MCTP1: variants seen among roughly 807,000 people sequenced by gnomAD.
MCTP1 encodes multiple C2 and transmembrane domain-containing protein 1.
MCTP1 carries 69 observed loss-of-function variants against 120.6 expected under a neutral mutation model. The observed-to-expected ratio is 0.57, with a 90% CI of 0.47 to 0.70. The LOEUF is 0.70. Ranked by LOEUF, MCTP1 falls within the 30% of genes least tolerant of loss-of-function variation. MCTP1 has a pLI of 0.00. For missense variants in MCTP1, 1,203 were observed against 1,248.8 expected (o/e 0.96, Z 0.55); for synonymous variants, 529 against 493.1 (o/e 1.07, Z -0.96).
At chr5:94,988,807 G>T (rs1830934657) in intron 2 of MCTP1, among the ~76,000 whole-genome samples, 2 of 152,082 alleles carry the variant, frequency 1.3e-5, no homozygotes, top group African/African-American at 4.8e-5. Flanking sequence ...GGCTGGGGAG[G>T]TCTCAGATAA....
intron 1 of MCTP1, among the ~76,000 whole-genome samples, chr5:95,247,137 G>A (rs1303557688): frequency 1.3e-5 from 2 of 152,042 alleles, no homozygotes; most frequent in Non-Finnish European, 2.9e-5. Context: ...TATGTGTCCC[G>A]GAATTTATTC....
In MCTP1 at chr5:95,039,419, A is replaced by C. The variant is rs1581974739; in HGVS notation, c.721-21935T>G. ...CTCACCTGAGTGCAAGTGTGTGCGA[A>C]AAGTGTGTCATTAATTATTCATACT... On this transcript the variant is annotated intron_variant, in intron 1 of 22. Coordinates refer to ENST00000515393, the MANE Select transcript of MCTP1 (RefSeq NM_024717.7). Among the ~76,000 whole-genome samples, 9 of 152,304 alleles carry C rather than the reference A, an allele frequency of 5.9e-5. No individual in the cohort carries two copies. The East Asian group carries it at 1.7e-3, about 29-fold the overall frequency.
At position 94,751,946 on chromosome 5, in the gene MCTP1, CG is replaced by C. The variant is rs1372720145; in HGVS notation, c.2610+27163del. Among the ~76,000 whole-genome samples, 3 of 123,314 alleles carry C rather than the reference CG, an allele frequency of 2.4e-5. No homozygotes were observed. The East Asian group carries it at 7.4e-4, about 30-fold the overall frequency. The allele number at this position is 123,314 out of a possible 152,430, so 80.9% of individuals were successfully genotyped here. On this transcript the variant is annotated intron_variant, in intron 19 of 22. Transcript: ENST00000515393. ...ACACAGGAAGGGGAACATCACACTC[CG>C]GGGACTGTTGTGGGGTGCAGGGAGG...
chr5:95,008,488 T>C (rs913913226), intron 2 of MCTP1, among the ~76,000 whole-genome samples: 26 of 152,266 alleles, frequency 1.7e-4, no homozygotes, highest in South Asian at 6.2e-4. Flanking sequence ...ACCCCATCTT[T>C]TGGGAGACTG....
intron 19 of MCTP1, among the ~76,000 whole-genome samples, chr5:94,761,208 A>AAC (rs1334382642): frequency 5.3e-5 from 8 of 152,230 alleles, no homozygotes; most frequent in Non-Finnish European, 2.9e-5. Context: ...TGGCTTCCAG[A>AAC]ACACAGACTG....
chr5:94,796,580 T>C (rs1258260186), intron 18 of MCTP1, among the ~76,000 whole-genome samples: 10 of 138,278 alleles, frequency 7.2e-5, no homozygotes, highest in Non-Finnish European at 1.2e-4. Flanking sequence ...TGTATCCACA[T>C]ACACACACAC....
At chr5:94,920,752 A>C (rs1811428709) in intron 7 of MCTP1, among the ~76,000 whole-genome samples, 1 of 147,906 alleles carries the variant, frequency 6.8e-6, no homozygotes, top group South Asian at 2.1e-4. Flanking sequence ...AAAATAAATA[A>C]ATAAATAAAT....
chr5:95,062,467 G>C (rs1417247153), intron 1 of MCTP1, among the ~76,000 whole-genome samples: 1 of 152,126 alleles, frequency 6.6e-6, no homozygotes, highest in African/African-American at 2.4e-5. Flanking sequence ...ATAAGGAAAA[G>C]AGCTTTATAA....
intron 18 of MCTP1, among the ~76,000 whole-genome samples, chr5:94,786,236 T>C (rs773768983): frequency 7.2e-5 from 11 of 152,190 alleles, no homozygotes; most frequent in Non-Finnish European, 1.5e-4. Context: ...AAGAATATTC[T>C]GACACTAATT....
At position 95,194,471 on chromosome 5, in the gene MCTP1, G is replaced by A. The variant is rs79189305; in HGVS notation, c.720+89385C>T. On this transcript the variant is annotated intron_variant, in intron 1 of 22. Coordinates refer to ENST00000515393, the MANE Select transcript of MCTP1 (RefSeq NM_024717.7). ...TATCTTATGATCAGGTGGTACCTGTGAGAAATGATTTGAGGGAAAAACAAG... is the reference window on the plus strand; with the variant it reads ...TATCTTATGATCAGGTGGTACCTGTAAGAAATGATTTGAGGGAAAAACAAG... Among the ~76,000 whole-genome samples the A allele has an allele frequency of 4.1e-3, 622 of 152,276 alleles. 2 individuals are homozygous for A. The highest frequency in any genetic ancestry group is 7.1e-3 in the Non-Finnish European group (486 of 68,016).
intron 18 of MCTP1, among the ~76,000 whole-genome samples, chr5:94,786,746 G>T (rs1777798001): frequency 6.6e-6 from 1 of 151,072 alleles, no homozygotes; most frequent in Admixed American, 6.6e-5. Context: ...TAACCTTTAG[G>T]TAAGATTTAT....
rs201595225 is a variant in MCTP1 at position 95,060,948 on chromosome 5, A to AG, written c.721-43465_721-43464insC. 2.6e-3 allele frequency among the ~76,000 whole-genome samples: 399 copies of AG among 151,382 alleles called. 5 individuals are homozygous for AG. Among genetic ancestry groups the AG allele is most frequent in the African/African-American group, 8.8e-3 (361 of 41,154 alleles). On this transcript the variant is annotated intron_variant, in intron 1 of 22. Transcript: ENST00000515393. The stretch of plus-strand genomic sequence containing the variant: ...GAGAGCATGCCACTCCACAAAAAAA[A>AG]AAAAAAGAAAAGAAAAGAAAAGAAA...
intron 1 of MCTP1, among the ~76,000 whole-genome samples, chr5:95,250,745 T>G (rs186158300): frequency 6.6e-6 from 1 of 152,324 alleles, no homozygotes; most frequent in Admixed American, 6.5e-5. Context: ...AAAAATGCTT[T>G]CCTCTTTAAT....
chr5:95,228,985 G>A (rs768933880), intron 1 of MCTP1, among the ~76,000 whole-genome samples: 11 of 152,126 alleles, frequency 7.2e-5, no homozygotes, highest in Non-Finnish European at 1.2e-4. Flanking sequence ...CCAGTCTCAG[G>A]TATTTCTTTG....
chr5:95,053,165 A>G (rs558007396), intron 1 of MCTP1, among the ~76,000 whole-genome samples: 41 of 152,346 alleles, frequency 2.7e-4, no homozygotes, highest in African/African-American at 9.4e-4. Flanking sequence ...TACAGACGGA[A>G]GCTTGAAGTG....
chr5:94,713,064 A>C (rs754320020), intron 20 of MCTP1, among the ~76,000 whole-genome samples: 76 of 152,250 alleles, frequency 5.0e-4, no homozygotes, highest in Non-Finnish European at 9.3e-4. Context: ...ATCTTCCCCC[A>C]AAAAGGGATG....
intron 17 of MCTP1, among the ~76,000 whole-genome samples, chr5:94,801,468 G>A (rs1207878599): frequency 6.6e-6 from 1 of 152,144 alleles, no homozygotes; most frequent in East Asian, 1.9e-4. Context: ...ACTTCTTCTA[G>A]ACAAGATTTT....
intron 12 of MCTP1, among the ~76,000 whole-genome samples, chr5:94,875,478 T>TG (rs1342996776): frequency 6.6e-6 from 1 of 151,940 alleles, no homozygotes; most frequent in Non-Finnish European, 1.5e-5. Context: ...CTCTCATTAA[T>TG]GGGGGAGGTT....
intron 2 of MCTP1, among the ~76,000 whole-genome samples, chr5:94,993,392 T>A (rs1831991498): frequency 6.6e-6 from 1 of 152,128 alleles, no homozygotes; most frequent in Admixed American, 6.6e-5. Flanking sequence ...ACCTGGAACA[T>A]AATAAATGAT....
Sources: allele counts gnomAD v4.1 joint callset (sites outside exome capture counted in the v4.1 genomes callset), GRCh38; gene constraint gnomAD v4.1.1; transcripts MANE v1.5; gene names NCBI Gene and HGNC (gene_info 2026-07-23, HGNC 2026-07-21).